RPS23: variants seen among roughly 807,000 people sequenced by gnomAD.
RPS23 encodes ribosomal protein S23, also known as small ribosomal subunit protein uS12.
For missense variants in RPS23, 73 were observed against 174.5 expected (o/e 0.42, Z 3.28); for synonymous variants, 66 against 60.4 (o/e 1.09, Z -0.43).
At chr5:82,277,615 CT>C in intron 2 of RPS23, 77 bp downstream of exon 2, 1 of 1,444,276 alleles carries the variant, frequency 6.9e-7, no homozygotes, top group Non-Finnish European at 9.7e-7. Flanking sequence ...CCTGCAATTA[CT>C]TTCAAAACAA....
At chr5:82,277,630 T>A (rs1391716645) in intron 2 of RPS23, 63 bp downstream of exon 2, 23 of 1,511,214 alleles carry the variant, frequency 1.5e-5, no homozygotes, top group Non-Finnish European at 2.1e-5. Flanking sequence ...AAAACAAGAA[T>A]TCGTAAGTTC....
chr5:82,276,747 G>A, intron 2 of RPS23: 1 of 574,160 alleles, frequency 1.7e-6, no homozygotes, highest in Non-Finnish European at 3.0e-6. Context: ...TGGAGTGGCA[G>A]CGTGGGCCTG....
Position 82,274,955 on chromosome 5 carries a change from G to A in RPS23, c.*1154C>T. 2.2e-6 allele frequency: 1 copy of A among 459,450 alleles called. No homozygotes were observed. 28.5% of individuals were successfully genotyped at this position (459,450 alleles called of 1,614,324 possible). On this transcript the variant is annotated 3_prime_UTR_variant, in exon 4 of 4. Transcript: ENST00000296674. ...ATAGTAACAGGAACAGAGGTCCTGA[G>A]GCTGGATATGGAACCCAAGTTTGAG...
rs2112047306 is a variant in RPS23 at position 82,276,046 on chromosome 5, G to A, written c.*63C>T. On this transcript the variant is annotated 3_prime_UTR_variant, in exon 4 of 4. Coordinates refer to ENST00000296674, the MANE Select transcript of RPS23 (RefSeq NM_001025.5). ...ATCTTCGTGGTGAGAACAGGGGACA[G>A]TAAGATACAAACATTTTTTGGCATA... 4.7e-6 allele frequency: 7 copies of A among 1,482,842 alleles called. No individual in the cohort carries two copies. The highest frequency in any genetic ancestry group is 3.7e-6 in the Non-Finnish European group (4 of 1,081,738). 91.9% of individuals were successfully genotyped at this position (1,482,842 alleles called of 1,614,324 possible).
In RPS23 at chr5:82,277,802, C is replaced by G; in HGVS notation, c.55G>C (p.Asp19His). 6.2e-7 allele frequency: 1 copy of G among 1,613,970 alleles called. No individual in the cohort carries two copies. The highest frequency in any genetic ancestry group is 8.5e-7 in the Non-Finnish European group (1 of 1,179,842). The stretch of plus-strand genomic sequence containing the variant: ...TACTGTTTATCATGCCACTTCTGGT[C>G]TCGTCGGTGACTACGGAGCTTCCTA... ...TARKLRSHRR[D>H]QKWHDKQYKK... Residue 19 changes from aspartate (D) to histidine (H), a missense_variant, in exon 2 of 4, where the codon GAC (aspartate) becomes CAC (histidine). By Grantham distance (81) the Asp-to-His change is moderately conservative. Transcript: ENST00000296674.
chr5:82,276,551 G>C (rs1004874436), intron 2 of RPS23, 33 bp from the exon 3 acceptor site: 2 of 1,610,110 alleles, frequency 1.2e-6, no homozygotes, highest in African/African-American at 2.7e-5. Flanking sequence ...CTGTGAGCTG[G>C]CTTTCTGAAA....
intron 1 of RPS23, 184 bp from the exon 2 acceptor site, chr5:82,278,036 G>A (rs1176911467): frequency 9.1e-6 from 6 of 659,380 alleles, no homozygotes; most frequent in Non-Finnish European, 5.2e-6. Context: ...CGTTCGAAGA[G>A]GGCTCCGGAG....
Position 82,275,294 on chromosome 5 carries a change from C to G in RPS23, c.*815G>C, listed in dbSNP as rs532640443. On this transcript the variant is annotated 3_prime_UTR_variant, in exon 4 of 4. Coordinates refer to ENST00000296674, the MANE Select transcript of RPS23 (RefSeq NM_001025.5). Reference sequence around the variant, plus strand: ...AACCATGCCACTGTATCCATGAAAACTCTGAAACAAGTATTTGTGGACAGC... The same window carrying G: ...AACCATGCCACTGTATCCATGAAAAGTCTGAAACAAGTATTTGTGGACAGC... The G allele has an allele frequency of 1.4e-6, 1 of 702,476 alleles. No individual in the cohort carries two copies. The highest frequency in any genetic ancestry group is 1.7e-5 in the African/African-American group (1 of 57,260). 43.5% of individuals were successfully genotyped at this position (702,476 alleles called of 1,614,324 possible).
chr5:82,276,604 G>C, intron 2 of RPS23, 86 bp from the exon 3 acceptor site: 1 of 1,526,576 alleles, frequency 6.6e-7, no homozygotes. Context: ...ATGAGAAACT[G>C]TTTCTATCTT....
At position 82,275,448 on chromosome 5, in the gene RPS23, A is replaced by C. The variant is rs202144799; in HGVS notation, c.*661T>G. ...AGGTCTCTGACAACCTCATGAGAAG[A>C]TACTGAAAACATCAGTCTTGTCGTA... On this transcript the variant is annotated 3_prime_UTR_variant, in exon 4 of 4. Transcript: ENST00000296674. 2 of 54,624 alleles carry C rather than the reference A, an allele frequency of 3.7e-5. No homozygotes were observed. Among genetic ancestry groups the C allele is most frequent in the South Asian group, 2.8e-4 (1 of 3,566 alleles). The allele number at this position is 54,624 out of a possible 1,614,324, so 3.4% of individuals were successfully genotyped here. A position where few individuals can be genotyped will look rare whatever the true frequency, so the allele number is the denominator to read the frequency against.
Position 82,273,388 on chromosome 5 carries a change from A to T in RPS23, c.*2721T>A, listed in dbSNP as rs941742300. 2.0e-5 allele frequency: 3 copies of T among 149,448 alleles called. 1 individual carries two copies. The highest frequency in any genetic ancestry group is 7.7e-5 in the African/African-American group (3 of 38,818). 9.3% of individuals were successfully genotyped at this position (149,448 alleles called of 1,614,324 possible). A position where few individuals can be genotyped will look rare whatever the true frequency, so the allele number is the denominator to read the frequency against. On this transcript the variant is annotated 3_prime_UTR_variant, in exon 4 of 4. Transcript: ENST00000296674. ...TACAGCCTTAAAATCTGAGCTCCTC[A>T]AGTGCACAATTTCTGTCCCTTTTAA...
chr5:82,277,658 A>G lies in RPS23; in HGVS notation c.164+35T>C, dbSNP rs909319251. 1.2e-5 allele frequency: 19 copies of G among 1,605,316 alleles called. No individual in the cohort carries two copies. The African/African-American group carries it at 2.4e-4, about 20-fold the overall frequency. On this transcript the variant is annotated intron_variant, in intron 2 of 3. Transcript: ENST00000296674. Reference sequence around the variant, plus strand: ...GTAAGTTCATGTCTCGAATTCCTATAATAAACTAAAACTTGACGGGAGCAA... The same window carrying G: ...GTAAGTTCATGTCTCGAATTCCTATGATAAACTAAAACTTGACGGGAGCAA...
chr5:82,274,925 G>T lies in RPS23; in HGVS notation c.*1184C>A. On this transcript the variant is annotated 3_prime_UTR_variant, in exon 4 of 4. Coordinates refer to ENST00000296674, the MANE Select transcript of RPS23 (RefSeq NM_001025.5). ...TTAGTAAGAGCAGGCGACATGCAAGGAACCATAGTAACAGGAACAGAGGTC... is the reference window on the plus strand; with the variant it reads ...TTAGTAAGAGCAGGCGACATGCAAGTAACCATAGTAACAGGAACAGAGGTC... 2.6e-6 allele frequency: 1 copy of T among 383,984 alleles called. No individual in the cohort carries two copies. The highest frequency in any genetic ancestry group is 4.8e-6 in the Non-Finnish European group (1 of 209,974). 23.8% of individuals were successfully genotyped at this position (383,984 alleles called of 1,614,324 possible). A position where few individuals can be genotyped will look rare whatever the true frequency, so the allele number is the denominator to read the frequency against.
rs1345512619 is a variant in RPS23, at chr5:82,277,740, G to A, written c.117C>T (p.Asn39=). The A allele has an allele frequency of 1.2e-6, 2 of 1,613,882 alleles. No homozygotes were observed. The highest frequency in any genetic ancestry group is 1.3e-5 in the African/African-American group (1 of 74,948). The change falls in exon 2 of 4, where the codon AAC becomes AAT. Residue 39 remains asparagine, a synonymous_variant. Coordinates refer to ENST00000296674, the MANE Select transcript of RPS23 (RefSeq NM_001025.5). ...TTGCATGAGAAGCACCTCCAAAAGG[G>A]TTGGCCTTTAGGGCTGTGCCCAAAT... ...KAHLGTALKA[N]PFGGASHAKG...
chr5:82,276,334 T>G lies in RPS23; in HGVS notation c.285+64A>C, dbSNP rs756638329. 1.1e-5 allele frequency: 18 copies of G among 1,612,668 alleles called. No individual in the cohort carries two copies. In the Middle Eastern group the frequency reaches 2.0e-3, roughly 177 times the overall value. ...TTTCATGTGAGGAAACTCCCTTGCA[T>G]CAGATAAAAATGTGAGGGAGGCCAC... On this transcript the variant is annotated intron_variant, in intron 3 of 3. Coordinates refer to ENST00000296674, the MANE Select transcript of RPS23 (RefSeq NM_001025.5).
In RPS23 at chr5:82,274,977, T is replaced by G. The variant is rs1436804382; in HGVS notation, c.*1132A>C. The G allele has an allele frequency of 2.0e-6, 1 of 493,790 alleles. No homozygotes were observed. Among genetic ancestry groups the G allele is most frequent in the African/African-American group, 1.9e-5 (1 of 51,870 alleles). 30.6% of individuals were successfully genotyped at this position (493,790 alleles called of 1,614,324 possible). The stretch of plus-strand genomic sequence containing the variant: ...TGAGGCTGGATATGGAACCCAAGTT[T>G]GAGGATGACCAACTGAGACCAGTGT... On this transcript the variant is annotated 3_prime_UTR_variant, in exon 4 of 4. Coordinates refer to ENST00000296674, the MANE Select transcript of RPS23 (RefSeq NM_001025.5).
Position 82,276,434 on chromosome 5 carries a change from G to A in RPS23, c.249C>T (p.Ala83=). The A allele has an allele frequency of 6.2e-7, 1 of 1,613,946 alleles. No individual in the cohort carries two copies. Among genetic ancestry groups the A allele is most frequent in the Non-Finnish European group, 8.5e-7 (1 of 1,179,884 alleles). ...TCAAGCAACCGTCATTGGGTACAAA[G>A]GCTGTGATTTTCTTGCCATTCTTGA... The part of the protein sequence containing the change: ...QLIKNGKKIT[A]FVPNDGCLNF... The change falls in exon 3 of 4, where the codon GCC becomes GCT. Residue 83 remains alanine (A), a synonymous_variant. Transcript: ENST00000296674.
rs1747756283 is a variant in RPS23, at chr5:82,275,615, A to G, written c.*494T>C. On this transcript the variant is annotated 3_prime_UTR_variant, in exon 4 of 4. Transcript: ENST00000296674. Reference sequence around the variant, plus strand: ...ATAAACAGAGTGGGGAGCAATTTTGAGTTTACTATTTATCATCTTGGGCCC... The same window carrying G: ...ATAAACAGAGTGGGGAGCAATTTTGGGTTTACTATTTATCATCTTGGGCCC... 2.8e-6 allele frequency: 1 copy of G among 359,046 alleles called. No homozygotes were observed. The highest frequency in any genetic ancestry group is 5.0e-6 in the Non-Finnish European group (1 of 200,336). The allele number at this position is 359,046 out of a possible 1,614,324, so 22.2% of individuals were successfully genotyped here.
intron 1 of RPS23, 87 bp from the exon 2 acceptor site, chr5:82,277,939 A>C: frequency 8.1e-7 from 1 of 1,232,130 alleles, no homozygotes; most frequent in South Asian, 1.3e-5. Flanking sequence ...ACCTGGAATA[A>C]ACCCTTAAGC....
Sources: gnomAD v4.1 joint callset for allele counts on GRCh38, gnomAD v4.1.1 for gene constraint, MANE v1.5 for transcripts, NCBI Gene and HGNC (gene_info 2026-07-23, HGNC 2026-07-21) for gene names.